The following VTI1A variants were observed in gnomAD, a reference collection of about 807,000 sequenced individuals.
VTI1A encodes the protein vesicle transport through interaction with t-SNAREs 1A.
In VTI1A, 22 loss-of-function variants were observed where a neutral mutation model predicts 34.9. The ratio of observed to expected loss-of-function variants is 0.63; its 90% CI spans 0.45 to 0.90. The LOEUF is 0.90. Among genes scored for constraint, VTI1A ranks in the 40% least tolerant of loss-of-function variants. The pLI, the probability that VTI1A is intolerant of heterozygous loss-of-function variation, is 0.00. For missense variants in VTI1A, 268 were observed against 275.6 expected (o/e 0.97, Z 0.20); for synonymous variants, 87 against 97.3 (o/e 0.89, Z 0.62).
At chr10:112,768,429 C>T (rs1297496741) in intron 7 of VTI1A, among the ~76,000 whole-genome samples, 3 of 152,190 alleles carry the variant, frequency 2.0e-5, no homozygotes, top group Non-Finnish European at 2.9e-5. Flanking sequence ...GCATATGATG[C>T]AATTCCTGGA....
At chr10:112,770,243 C>T (rs1201481963) in intron 7 of VTI1A, among the ~76,000 whole-genome samples, 2 of 151,942 alleles carry the variant, frequency 1.3e-5, no homozygotes, top group Non-Finnish European at 2.9e-5. Context: ...AGTAACTGGC[C>T]TAAGATCACA....
intron 7 of VTI1A, among the ~76,000 whole-genome samples, chr10:112,776,911 C>G (rs187425841): frequency 2.2e-4 from 33 of 152,178 alleles, no homozygotes; most frequent in Non-Finnish European, 4.7e-4. Flanking sequence ...CTCCTGACCT[C>G]AGGTGATCCA....
intron 5 of VTI1A, among the ~76,000 whole-genome samples, chr10:112,543,621 C>G (rs907595385): frequency 1.3e-5 from 2 of 152,156 alleles, no homozygotes; most frequent in Non-Finnish European, 2.9e-5. Context: ...TTCTCCCATT[C>G]TGTAGGTTGC....
the VTI1A span, among the ~76,000 whole-genome samples, chr10:112,828,990 T>G: frequency 6.6e-6 from 1 of 152,114 alleles, no homozygotes; most frequent in Non-Finnish European, 1.5e-5. Context: ...CACCCAGCAG[T>G]TCTCTGGCAA....
At chr10:112,621,798 T>C (rs1300797927) in intron 5 of VTI1A, among the ~76,000 whole-genome samples, 2 of 152,226 alleles carry the variant, frequency 1.3e-5, no homozygotes, top group African/African-American at 4.8e-5. Flanking sequence ...TGCTGTTCCA[T>C]GTGGCACTGA....
chr10:112,820,140 C>T (rs1234658428), downstream of VTI1A, among the ~76,000 whole-genome samples: 1 of 152,238 alleles, frequency 6.6e-6, no homozygotes, highest in Non-Finnish European at 1.5e-5. Context: ...GAACAGCAGA[C>T]ATGCCAGGCT....
chr10:112,555,294 C>G (rs1455215230), intron 5 of VTI1A, among the ~76,000 whole-genome samples: 5 of 151,958 alleles, frequency 3.3e-5, no homozygotes. Context: ...GGGAGAGATT[C>G]CATATGTCAA....
At chr10:112,631,036 C>T (rs1434486607) in intron 5 of VTI1A, among the ~76,000 whole-genome samples, 2 of 152,002 alleles carry the variant, frequency 1.3e-5, no homozygotes, top group African/African-American at 2.4e-5. Context: ...ACAGGAGAAT[C>T]GCTTGAACCC....
At chr10:112,825,400 A>G in the VTI1A span, 127,960 of 152,274 alleles carry the variant, frequency 0.84, 54,141 homozygotes, top group African/African-American at 0.94. Flanking sequence ...CCCATCCTGC[A>G]CTGGCAGCCC....
rs181820468 is a variant in VTI1A at position 112,773,219 on chromosome 10, T to A, written c.561-42071T>A. 2.4e-4 allele frequency among the ~76,000 whole-genome samples: 37 copies of A among 152,318 alleles called. 1 individual carries two copies. The highest frequency in any genetic ancestry group is 1.5e-4 in the Non-Finnish European group (10 of 68,038). Reference sequence around the variant, plus strand: ...TAACCTCTTTGAGACTTAGTTTTCTTCTCTCTAAGGTAGGATAATAATACC... The same window carrying A: ...TAACCTCTTTGAGACTTAGTTTTCTACTCTCTAAGGTAGGATAATAATACC... On this transcript the variant is annotated intron_variant, in intron 7 of 7. Transcript: ENST00000393077.
At chr10:112,847,446 C>G in the VTI1A span, among the ~76,000 whole-genome samples, 1 of 152,206 alleles carries the variant, frequency 6.6e-6, no homozygotes, top group Non-Finnish European at 1.5e-5. Flanking sequence ...CCTCTTCCTT[C>G]TATCCCCTCA....
intron 5 of VTI1A, among the ~76,000 whole-genome samples, chr10:112,557,429 G>A (rs1347590270): frequency 6.6e-6 from 1 of 152,112 alleles, no homozygotes; most frequent in East Asian, 1.9e-4. Flanking sequence ...TGATAAGGCT[G>A]GAGTGGATTT....
Position 112,817,617 on chromosome 10 carries a change from G to T in VTI1A, c.*2234G>T, listed in dbSNP as rs1033453120. ...TGCTTTGTGAGGAAGCTGGTCAGAA[G>T]GTTCCCTCAACTCCTTCCTGGTCCT... On this transcript the variant is annotated 3_prime_UTR_variant, in exon 8 of 8. Coordinates refer to ENST00000393077, the MANE Select transcript of VTI1A (RefSeq NM_145206.4). 4 of 229,186 alleles carry T rather than the reference G, an allele frequency of 1.7e-5. No homozygotes were observed. The highest frequency in any genetic ancestry group is 4.4e-5 in the African/African-American group (2 of 45,250). 14.2% of individuals were successfully genotyped at this position (229,186 alleles called of 1,614,324 possible).
intron 3 of VTI1A, among the ~76,000 whole-genome samples, chr10:112,510,034 G>A (rs1019891136): frequency 6.6e-6 from 1 of 152,150 alleles, no homozygotes; most frequent in African/African-American, 2.4e-5. Flanking sequence ...TTCTTTGCAA[G>A]GACTAGAATT....
intron 5 of VTI1A, among the ~76,000 whole-genome samples, chr10:112,548,026 T>C (rs1440289013): frequency 2.6e-5 from 4 of 152,198 alleles, no homozygotes; most frequent in Non-Finnish European, 5.9e-5. Context: ...TTAAAGAAGC[T>C]GAACAAATGC....
chr10:112,456,638 C>T (rs1270464537), intron 1 of VTI1A, among the ~76,000 whole-genome samples: 1 of 152,050 alleles, frequency 6.6e-6, no homozygotes, highest in Non-Finnish European at 1.5e-5. Context: ...ATCTGTTGCA[C>T]CCAGCAGCTT....
intron 7 of VTI1A, among the ~76,000 whole-genome samples, chr10:112,752,087 T>C (rs1244472124): frequency 2.0e-5 from 3 of 152,316 alleles, no homozygotes; most frequent in African/African-American, 7.2e-5. Context: ...CTTCTCAAGC[T>C]GAGAAGAACC....
At chr10:112,666,070 A>G (rs191175454) in intron 5 of VTI1A, among the ~76,000 whole-genome samples, 1 of 152,328 alleles carries the variant, frequency 6.6e-6, no homozygotes, top group African/African-American at 2.4e-5. Flanking sequence ...AATAGTAATA[A>G]CAGTATGACA....
At chr10:112,544,355 G>A (rs773352591) in intron 5 of VTI1A, among the ~76,000 whole-genome samples, 27 of 152,048 alleles carry the variant, frequency 1.8e-4, no homozygotes, top group Non-Finnish European at 3.4e-4. Context: ...TCAGCCTCCC[G>A]AGTAGCTGGG....
Sources: allele counts gnomAD v4.1 joint callset (sites outside exome capture counted in the v4.1 genomes callset), GRCh38; gene constraint gnomAD v4.1.1; transcripts MANE v1.5; gene names NCBI Gene and HGNC (gene_info 2026-07-23, HGNC 2026-07-21).